The following MRC1 variants were observed in gnomAD, a reference collection of about 807,000 sequenced individuals.
MRC1 encodes macrophage mannose receptor 1.
In MRC1, 62 loss-of-function variants were observed where a neutral mutation model predicts 102.9. The ratio of observed to expected loss-of-function variants is 0.60; its 90% confidence interval spans 0.49 to 0.74. The LOEUF is 0.74. Among genes scored for constraint, MRC1 ranks in the 30% least tolerant of loss-of-function variants. The pLI is 0.00. For synonymous variants in MRC1, 457 were observed against 298.4 expected (o/e 1.53, Z -5.48); for missense variants, 1,237 against 862.8 (o/e 1.43, Z -5.43).
At chr10:17,813,776 T>C (rs1838264378) in intron 1 of MRC1, among the ~76,000 whole-genome samples, 1 of 150,828 alleles carries the variant, frequency 6.6e-6, no homozygotes, top group South Asian at 2.1e-4. Context: ...TTGCTCACTG[T>C]AGCCTTGACT....
intron 4 of MRC1, among the ~76,000 whole-genome samples, chr10:17,834,311 G>A (rs1838627502): frequency 6.6e-6 from 1 of 152,178 alleles, no homozygotes; most frequent in East Asian, 1.9e-4. Flanking sequence ...AGTTCTTTTA[G>A]CCTCCTGTCC....
chr10:17,872,331 G>A (rs1833366078), intron 15 of MRC1, among the ~76,000 whole-genome samples: 1 of 152,170 alleles, frequency 6.6e-6, no homozygotes, highest in Non-Finnish European at 1.5e-5. Flanking sequence ...AGGCCACCTG[G>A]GAGTTCTGGG....
intron 11 of MRC1, among the ~76,000 whole-genome samples, chr10:17,864,424 A>G (rs577087544): frequency 0.037 from 5,681 of 152,178 alleles, 372 homozygotes; most frequent in African/African-American, 0.13. Flanking sequence ...CTCATGCGGA[A>G]CTCATTATTT....
At chr10:17,853,166 G>A (rs973653944) in intron 8 of MRC1, 42 bp downstream of exon 8, 6 of 778,914 alleles carry the variant, frequency 7.7e-6, no homozygotes, top group South Asian at 2.7e-5. Flanking sequence ...TGAAAGTCAC[G>A]GGGGATTTTT....
At chr10:17,823,534 C>A (rs1482637926) in intron 2 of MRC1, 59 bp downstream of exon 2, 6 of 777,410 alleles carry the variant, frequency 7.7e-6, no homozygotes, top group East Asian at 7.3e-5. Flanking sequence ...TTAGTTGGAA[C>A]CTGATTCAAG....
At chr10:17,824,002 T>C (rs1589165285) in intron 2 of MRC1, among the ~76,000 whole-genome samples, 2 of 152,214 alleles carry the variant, frequency 1.3e-5, no homozygotes, top group East Asian at 3.9e-4. Flanking sequence ...TTAGAGACTG[T>C]AATAATCAGA....
intron 1 of MRC1, among the ~76,000 whole-genome samples, chr10:17,818,076 C>G (rs1838339309): frequency 6.6e-6 from 1 of 152,072 alleles, no homozygotes; most frequent in African/African-American, 2.4e-5. Context: ...ATAAAGGAAA[C>G]AAGAATAGAT....
At position 17,877,806 on chromosome 10, in the gene MRC1, C is replaced by T. The variant is rs1265259299; in HGVS notation, c.2551-94C>T. On this transcript the variant is annotated intron_variant, in intron 17 of 29. Coordinates refer to ENST00000569591, the MANE Select transcript of MRC1 (RefSeq NM_002438.4). ...AGAAATTCCTCTCTAGATAAGGTTT[C>T]GATTAGGCTGCCTCATTAACATGTA... 11 of 844,786 alleles carry T rather than the reference C, an allele frequency of 1.3e-5. No homozygotes were observed. The African/African-American group carries it at 1.3e-4, about 10-fold the overall frequency. 52.3% of individuals were successfully genotyped at this position (844,786 alleles called of 1,614,324 possible).
Position 17,871,959 on chromosome 10 carries a change from G to A in MRC1, c.2200-23G>A, listed in dbSNP as rs1243502305. 6 of 779,490 alleles carry A rather than the reference G, an allele frequency of 7.7e-6. No homozygotes were observed. The East Asian group carries it at 1.5e-4, about 19-fold the overall frequency. The allele number at this position is 779,490 out of a possible 1,614,324, so 48.3% of individuals were successfully genotyped here. On this transcript the variant is annotated intron_variant, in intron 14 of 29. Transcript: ENST00000569591. ...GGCTTGATACAAATGGTTAATGGTTGTAGTTTAATGTTTCTAATATAGGTT... is the reference window on the plus strand; with the variant it reads ...GGCTTGATACAAATGGTTAATGGTTATAGTTTAATGTTTCTAATATAGGTT...
chr10:17,838,908 T>G (rs1838709728), intron 4 of MRC1, among the ~76,000 whole-genome samples: 1 of 152,232 alleles, frequency 6.6e-6, no homozygotes, highest in Non-Finnish European at 1.5e-5. Context: ...ACTAAAATAT[T>G]TTGGTCTGCT....
Position 17,849,701 on chromosome 10 carries a change from G to A in MRC1, c.1186G>A (p.Gly396Ser), listed in dbSNP as rs606231248. The change falls in exon 7 of 30, where the codon GGT becomes AGT. Residue 396 changes from glycine (G) to serine (S), a missense_variant. Gly to Ser is a moderately conservative substitution (Grantham distance 56). Coordinates refer to ENST00000569591, the MANE Select transcript of MRC1 (RefSeq NM_002438.4). Reference sequence around the variant, plus strand: ...TCTGACCACCTGCAGGAAGGAAGGCGGTGACCTCACAAGTATCCACACCAT... The same window carrying A: ...TCTGACCACCTGCAGGAAGGAAGGCAGTGACCTCACAAGTATCCACACCAT... ...DALTTCRKEG[G>S]DLTSIHTIEE... 0.38 allele frequency: 297,602 copies of A among 780,628 alleles called. 60,175 individuals are homozygous for A. The highest frequency in any genetic ancestry group is 0.48 in the Admixed American group (28,183 of 59,004). The allele number at this position is 780,628 out of a possible 1,614,324, so 48.4% of individuals were successfully genotyped here. A position where few individuals can be genotyped will look rare whatever the true frequency, so the allele number is the denominator to read the frequency against.
intron 1 of MRC1, among the ~76,000 whole-genome samples, chr10:17,816,580 G>T (rs1315962455): frequency 2.0e-5 from 3 of 152,192 alleles, no homozygotes; most frequent in Non-Finnish European, 1.5e-5. Context: ...CCATGTTTGA[G>T]CCTAGAGGGC....
chr10:17,886,318 T>A (rs1833593417), intron 22 of MRC1, among the ~76,000 whole-genome samples: 1 of 148,970 alleles, frequency 6.7e-6, no homozygotes, highest in Admixed American at 6.7e-5. Flanking sequence ...CTTCCTTCCC[T>A]CCTTCCTTCC....
chr10:17,813,859 G>A (rs963522820), intron 1 of MRC1, among the ~76,000 whole-genome samples: 16 of 151,654 alleles, frequency 1.1e-4, no homozygotes, highest in Non-Finnish European at 2.4e-4. Context: ...CACCATGCCT[G>A]GCTAACTTTT....
chr10:17,835,231 T>G (rs1296649232), intron 4 of MRC1, among the ~76,000 whole-genome samples: 5 of 152,262 alleles, frequency 3.3e-5, no homozygotes, highest in Non-Finnish European at 7.3e-5. Flanking sequence ...TGCATTTCTC[T>G]TATTTGCTTA....
intron 10 of MRC1, among the ~76,000 whole-genome samples, chr10:17,862,405 A>T (rs1285085513): frequency 1.3e-5 from 2 of 152,174 alleles, no homozygotes; most frequent in African/African-American, 2.4e-5. Context: ...TCTGTGAGGG[A>T]GGTAAACTGC....
intron 26 of MRC1, 38 bp from the exon 27 acceptor site, chr10:17,906,848 A>T: frequency 1.3e-6 from 1 of 780,532 alleles, no homozygotes; most frequent in Admixed American, 1.7e-5. Context: ...AGCTACTTAA[A>T]TGTGCAGCTA....
At chr10:17,840,292 C>G (rs190923294) in intron 4 of MRC1, among the ~76,000 whole-genome samples, 2,353 of 119,720 alleles carry the variant, frequency 0.02, 40 homozygotes, top group South Asian at 0.11. Flanking sequence ...GAGAAATTGA[C>G]TTTAAAAAAT....
chr10:17,870,265 A>G lies in MRC1; in HGVS notation c.2003A>G (p.His668Arg). 1 of 780,564 alleles carries G rather than the reference A, an allele frequency of 1.3e-6. No homozygotes were observed. The highest frequency in any genetic ancestry group is 2.4e-6 in the Non-Finnish European group (1 of 417,718). The allele number at this position is 780,564 out of a possible 1,614,324, so 48.4% of individuals were successfully genotyped here. A position where few individuals can be genotyped will look rare whatever the true frequency, so the allele number is the denominator to read the frequency against. ...LCFKLYAKGK[H>R]EKKTWFESRD... ...CTTCAGCTGTATGCAAAAGGAAAAC[A>G]TGAGAAGAAAACGTGGTTTGAATCT... Residue 668 changes from histidine (H) to arginine (R), a missense_variant, in exon 13 of 30, where the codon CAT (histidine) becomes CGT (arginine). Transcript: ENST00000569591.
Sources: gnomAD v4.1 joint callset for allele counts (sites outside exome capture counted in the v4.1 genomes callset) on GRCh38, gnomAD v4.1.1 for gene constraint, MANE v1.5 for transcripts, NCBI Gene and HGNC (gene_info 2026-07-23, HGNC 2026-07-21) for gene names.